Variants in TLR3 observed in about 807,000 individuals in gnomAD.
TLR3 encodes the protein toll-like receptor 3.
A neutral mutation model predicts 66.4 loss-of-function variants in TLR3; 43 were observed. That is an observed-to-expected ratio of 0.65 (90% CI 0.51 to 0.83). TLR3 has a LOEUF of 0.83. TLR3 is among the 40% of genes least tolerant of loss of function. TLR3 has a pLI of 0.00. For missense variants in TLR3, 982 were observed against 1,044.6 expected, an observed-to-expected ratio of 0.94 and a Z score of 0.83; for synonymous variants, 397 against 397.2, an observed-to-expected ratio of 1.00 and a Z score of 0.01.
chr4:186,078,657 G>T (rs1320667826), intron 2 of TLR3, among the ~76,000 whole-genome samples, 183 bp from the exon 3 acceptor site: 1 of 152,126 alleles, frequency 6.6e-6, no homozygotes, highest in East Asian at 1.9e-4. Flanking sequence ...CCATCACAAA[G>T]ATTATAACGT....
At chr4:186,080,884 G>A (rs1298593236) in intron 3 of TLR3, among the ~76,000 whole-genome samples, 3 of 152,270 alleles carry the variant, frequency 2.0e-5, no homozygotes, top group East Asian at 1.9e-4. Context: ...GAGCCACCGC[G>A]CCCAGCCTGG....
chr4:186,072,358 C>T (rs890454485), intron 1 of TLR3, among the ~76,000 whole-genome samples: 1 of 152,160 alleles, frequency 6.6e-6, no homozygotes, highest in Non-Finnish European at 1.5e-5. Flanking sequence ...GTCACCCAGG[C>T]TGGAGTGCAT....
In TLR3 at chr4:186,078,742, G is replaced by A. The variant is rs564940151; in HGVS notation, c.442-98G>A. The A allele has an allele frequency of 4.2e-6, 4 of 958,254 alleles. No homozygotes were observed. In the East Asian group the frequency reaches 1.0e-4, roughly 25 times the overall value. 59.4% of individuals were successfully genotyped at this position (958,254 alleles called of 1,614,324 possible). ...TTCTACAGAATAATAGAGAGGTGTTGATTTTGCTGTTGAAGTATTTTTCAG... is the reference window on the plus strand; with the variant it reads ...TTCTACAGAATAATAGAGAGGTGTTAATTTTGCTGTTGAAGTATTTTTCAG... On this transcript the variant is annotated intron_variant, in intron 2 of 4. Coordinates refer to ENST00000296795, the MANE Select transcript of TLR3 (RefSeq NM_003265.3).
chr4:186,081,268 CAAAAAA>C (rs10604227), intron 3 of TLR3, among the ~76,000 whole-genome samples: 1 of 139,680 alleles, frequency 7.2e-6, no homozygotes. Context: ...AACTCTGTCT[CAAAAAA>C]AAAAAAAAAG....
chr4:186,075,432 G>A (rs977406314), intron 1 of TLR3, among the ~76,000 whole-genome samples: 1 of 151,984 alleles, frequency 6.6e-6, no homozygotes, highest in Non-Finnish European at 1.5e-5. Context: ...GACCAGCCTG[G>A]GCAACATAGC....
In TLR3 at chr4:186,084,158, C is replaced by A. The variant is rs762415032; in HGVS notation, c.2472C>A (p.Asp824Glu). 6.2e-7 allele frequency: 1 copy of A among 1,613,564 alleles called. No homozygotes were observed. The highest frequency in any genetic ancestry group is 1.1e-5 in the South Asian group (1 of 90,968). ...TTATAACACACCATCTATTAAAAGA[C>A]CCATTATGCAAAAGGTAGGTAAACA... ...IFVITHHLLK[D>E]PLCKRFKVHH... Residue 824 changes from aspartate to glutamate, a missense_variant, in exon 4 of 5, where the codon GAC becomes GAA. Asp to Glu is a conservative substitution (Grantham distance 45). This residue lies in a region of TLR3 where 666 missense variants were observed against 709.0 expected (regional missense o/e 0.94). Coordinates refer to ENST00000296795, the MANE Select transcript of TLR3 (RefSeq NM_003265.3).
rs1343606723 is a variant in TLR3 at position 186,086,539 on chromosome 4, G to A, written c.*1666G>A. On this transcript the variant is annotated 3_prime_UTR_variant, in exon 5 of 5. Coordinates refer to ENST00000296795, the MANE Select transcript of TLR3 (RefSeq NM_003265.3). ...CATGTTATTTGCCACCCTGACAGCTGAGACACTGCTTTTCAGCATTTTAGT... is the reference window on the plus strand; with the variant it reads ...CATGTTATTTGCCACCCTGACAGCTAAGACACTGCTTTTCAGCATTTTAGT... 1 of 152,192 alleles carries A rather than the reference G, an allele frequency of 6.6e-6. No homozygotes were observed. The highest frequency in any genetic ancestry group is 2.4e-5 in the African/African-American group (1 of 41,446). 9.4% of individuals were successfully genotyped at this position (152,192 alleles called of 1,614,324 possible).
rs1561373444 is a variant in TLR3 at position 186,085,838 on chromosome 4, T to G, written c.*965T>G. 6.6e-6 allele frequency: 1 copy of G among 152,188 alleles called. No homozygotes were observed. The highest frequency in any genetic ancestry group is 2.4e-5 in the African/African-American group (1 of 41,434). 9.4% of individuals were successfully genotyped at this position (152,188 alleles called of 1,614,324 possible). On this transcript the variant is annotated 3_prime_UTR_variant, in exon 5 of 5. Coordinates refer to ENST00000296795, the MANE Select transcript of TLR3 (RefSeq NM_003265.3). ...TAGTCCTTATCTAGAAAGACTATTT[T>G]TATTTTTGTTTTTTTGTTTGTTTGT...
intron 1 of TLR3, among the ~76,000 whole-genome samples, chr4:186,074,553 T>C (rs1246792629): frequency 2.0e-5 from 3 of 152,182 alleles, no homozygotes; most frequent in Non-Finnish European, 2.9e-5. Context: ...CGGACATGAC[T>C]GTGCACCACT....
chr4:186,077,101 A>T, intron 2 of TLR3, 41 bp downstream of exon 2: 1 of 1,577,414 alleles, frequency 6.3e-7, no homozygotes, highest in Non-Finnish European at 8.7e-7. Flanking sequence ...TTTTTAAGTC[A>T]GTTACCCATC....
intron 1 of TLR3, among the ~76,000 whole-genome samples, chr4:186,072,687 G>C (rs148067883): frequency 0.011 from 1,622 of 152,272 alleles, 28 homozygotes; most frequent in African/African-American, 0.037. Flanking sequence ...AGGGGGTGGT[G>C]CTGAACCATC....
In TLR3 at chr4:186,083,595, C is replaced by T; in HGVS notation, c.1909C>T (p.Leu637=). ...KKVFGPAFRN[L]TELDMRFNPF... ...GGTTTTCGGGCCAGCTTTCAGGAAC[C>T]TGACTGAGTTAGATATGCGCTTTAA... Residue 637 remains leucine, a synonymous_variant, in exon 4 of 5, where the codon CTG becomes TTG. Transcript: ENST00000296795. This position sits in a 1 kb window ranked among gnomAD's most constrained non-coding sequence, Gnocchi z 4.0. 1.2e-6 allele frequency: 2 copies of T among 1,611,852 alleles called. No individual in the cohort carries two copies. Among genetic ancestry groups the T allele is most frequent in the Non-Finnish European group, 1.7e-6 (2 of 1,179,360 alleles).
At chr4:186,077,902 G>A (rs1268377568) in intron 2 of TLR3, among the ~76,000 whole-genome samples, 2 of 151,790 alleles carry the variant, frequency 1.3e-5, no homozygotes, top group African/African-American at 4.8e-5. Flanking sequence ...TAACCAAAGC[G>A]ATTTTCAAGT....
chr4:186,071,404 G>C (rs1166084569), intron 1 of TLR3, among the ~76,000 whole-genome samples: 1 of 152,198 alleles, frequency 6.6e-6, no homozygotes, highest in Non-Finnish European at 1.5e-5. Context: ...CCTATGAGTT[G>C]GTAAATAGAG....
At chr4:186,072,761 T>TA (rs2099301720) in intron 1 of TLR3, among the ~76,000 whole-genome samples, 1 of 152,154 alleles carries the variant, frequency 6.6e-6, no homozygotes, top group Non-Finnish European at 1.5e-5. Context: ...CACTGGGAAT[T>TA]ACAATTCAAC....
In TLR3 at chr4:186,083,007, A is replaced by G. The variant is rs777653928; in HGVS notation, c.1321A>G (p.Asn441Asp). The change falls in exon 4 of 5, where the codon AAT (asparagine) becomes GAT (aspartate). Residue 441 changes from asparagine to aspartate, a missense_variant. By Grantham distance (23) the Asn-to-Asp change is conservative. This residue lies in a region of TLR3 where 666 missense variants were observed against 709.0 expected (regional missense o/e 0.94). Coordinates refer to ENST00000296795, the MANE Select transcript of TLR3 (RefSeq NM_003265.3). The surrounding 1 kb of genome is among the most constrained non-coding windows in gnomAD (Gnocchi z 4.0). ...GHLEVLDLGL[N>D]EIGQELTGQE... ...CCTAGAAGTACTTGACCTGGGCCTT[A>G]ATGAAATTGGGCAAGAACTCACAGG... is the stretch of plus-strand genomic sequence containing the variant. 6.2e-7 allele frequency: 1 copy of G among 1,614,186 alleles called. No homozygotes were observed. Among genetic ancestry groups the G allele is most frequent in the South Asian group, 1.1e-5 (1 of 91,078 alleles).
chr4:186,078,057 T>C (rs1044659043), intron 2 of TLR3, among the ~76,000 whole-genome samples: 2 of 152,178 alleles, frequency 1.3e-5, no homozygotes, highest in African/African-American at 4.8e-5. Flanking sequence ...TCTTAGAGTC[T>C]AATGTGGATG....
At chr4:186,084,304 TC>T in intron 4 of TLR3, 132 bp downstream of exon 4, 1 of 930,426 alleles carries the variant, frequency 1.1e-6, no homozygotes, top group Non-Finnish European at 1.6e-6. Context: ...TACTGCAGCC[TC>T]CACCTCCTGG....
rs762722196 is a variant in TLR3 at position 186,082,390 on chromosome 4, C to G, written c.704C>G (p.Pro235Arg). ...TTTCTGAACAATGTCCAGCTGGGTC[C>G]CAGCCTTACAGAGAAGCTATGTTTG... ...GLFLNNVQLG[P>R]SLTEKLCLEL... Residue 235 changes from proline to arginine, a missense_variant, in exon 4 of 5, where the codon CCC becomes CGC. By Grantham distance (103) the Pro-to-Arg change is moderately radical. Transcript: ENST00000296795. 6.2e-7 allele frequency: 1 copy of G among 1,613,942 alleles called. No homozygotes were observed. The highest frequency in any genetic ancestry group is 1.7e-5 in the Admixed American group (1 of 59,984).
Sources: gnomAD v4.1 joint callset for allele counts (sites outside exome capture counted in the v4.1 genomes callset) on GRCh38, gnomAD v4.1.1 for gene constraint, gnomAD v4.1.1 regional missense constraint, Gnocchi (gnomAD v3.1) non-coding constraint, MANE v1.5 for transcripts, NCBI Gene and HGNC (gene_info 2026-07-23, HGNC 2026-07-21) for gene names.